The following SELENON variants were observed in gnomAD, a reference collection of about 807,000 sequenced individuals.
SELENON encodes selenoprotein N, 1.
A neutral mutation model predicts 59.5 loss-of-function variants in SELENON; 44 were observed. The observed-to-expected ratio is 0.74, with a 90% CI of 0.58 to 0.95. The LOEUF is 0.95. Among genes scored for constraint, SELENON ranks in the 40% least tolerant of loss-of-function variants. SELENON has a pLI of 0.00. For missense variants in SELENON, 674 were observed against 721.4 expected (o/e 0.93, Z 0.75); for synonymous variants, 320 against 305.6 (o/e 1.05, Z -0.49).
In SELENON at chr1:25,812,472, C is replaced by T. The variant is rs34161541; in HGVS notation, c.1282-215C>T. ...ACACTAACATATATATACACACACA[C>T]ATACACACATATACAAACATACACA... On this transcript the variant is annotated intron_variant, in intron 9 of 12. Coordinates refer to ENST00000361547, the MANE Select transcript of SELENON (RefSeq NM_020451.3). 3.5e-4 allele frequency among the ~76,000 whole-genome samples: 21 copies of T among 60,078 alleles called. No individual in the cohort carries two copies. The South Asian group carries it at 0.011, about 33-fold the overall frequency. 39.4% of individuals were successfully genotyped at this position (60,078 alleles called of 152,430 possible). A position where few individuals can be genotyped will look rare whatever the true frequency, so the allele number is the denominator to read the frequency against.
chr1:25,809,038 CG>C lies in SELENON; in HGVS notation c.762del (p.Leu255SerfsTer?). 1.9e-6 allele frequency: 3 copies of C among 1,613,744 alleles called. No homozygotes were observed. In the African/African-American group the frequency reaches 4.0e-5, roughly 21 times the overall value. ...CCGCCGCCCCCAGGTCATCATCCAC[CG>C]GCTCCTGAGCATGTTCCACCCTCGG... On this transcript the variant is annotated frameshift_variant, in exon 6 of 13. Coordinates refer to ENST00000361547, the MANE Select transcript of SELENON (RefSeq NM_020451.3). LOFTEE classifies it high-confidence loss of function.
rs901018216 is a variant in SELENON at position 25,817,932 on chromosome 1, G to GCT, written c.*2223_*2224dup. 4 of 114,154 alleles carry GCT rather than the reference G, an allele frequency of 3.5e-5. No homozygotes were observed. The highest frequency in any genetic ancestry group is 5.7e-5 in the Non-Finnish European group (3 of 52,750). The allele number at this position is 114,154 out of a possible 1,614,324, so 7.1% of individuals were successfully genotyped here. A position where few individuals can be genotyped will look rare whatever the true frequency, so the allele number is the denominator to read the frequency against. On this transcript the variant is annotated 3_prime_UTR_variant, in exon 13 of 13. Transcript: ENST00000361547. Reference sequence around the variant, plus strand: ...CTTATGGGGAGGGAGGGCGTCTGATGCTCTCTCTCTGCCTCCCCCCCCATC... The same window carrying GCT: ...CTTATGGGGAGGGAGGGCGTCTGATGCTCTCTCTCTCTGCCTCCCCCCCCATC...
At chr1:25,810,045 C>T (rs1557431204) in intron 7 of SELENON, among the ~76,000 whole-genome samples, 4 of 152,124 alleles carry the variant, frequency 2.6e-5, no homozygotes, top group South Asian at 4.1e-4. Context: ...CACCTCTGTG[C>T]CTGGGACCCA....
At chr1:25,813,371 G>C (rs900641364) in intron 10 of SELENON, among the ~76,000 whole-genome samples, 1 of 152,242 alleles carries the variant, frequency 6.6e-6, no homozygotes, top group African/African-American at 2.4e-5. Context: ...AGGGGTCCCT[G>C]CCCTCAAAGG....
intron 10 of SELENON, among the ~76,000 whole-genome samples, chr1:25,813,142 A>G (rs1006368695): frequency 2.0e-5 from 3 of 152,140 alleles, no homozygotes; most frequent in African/African-American, 4.8e-5. Context: ...TGCCGCATAC[A>G]CTGTAAAGTG....
chr1:25,806,130 A>G (rs902265207), intron 4 of SELENON, among the ~76,000 whole-genome samples: 1 of 152,198 alleles, frequency 6.6e-6, no homozygotes, highest in Non-Finnish European at 1.5e-5. Context: ...TTCAGCACGA[A>G]CAGAGGCCTG....
In SELENON at chr1:25,805,021, A is replaced by C. The variant is rs1167138568; in HGVS notation, c.404-121A>C. The C allele has an allele frequency of 9.9e-6, 13 of 1,313,212 alleles. No individual in the cohort carries two copies. The Admixed American group carries it at 2.2e-4, about 22-fold the overall frequency. 81.3% of individuals were successfully genotyped at this position (1,313,212 alleles called of 1,614,324 possible). On this transcript the variant is annotated intron_variant, in intron 3 of 12. Transcript: ENST00000361547. ...ACTGGTTGTTACTTTGGTGACTGTT[A>C]ACACCCCAGCTACCCCCACCCCCTG...
chr1:25,806,501 T>C (rs994945616), intron 4 of SELENON, among the ~76,000 whole-genome samples: 1 of 151,844 alleles, frequency 6.6e-6, no homozygotes, highest in Admixed American at 6.6e-5. Context: ...CGGCTCCTCA[T>C]GGACAGTGGG....
In SELENON at chr1:25,800,214, C is replaced by G. The variant is rs957824845; in HGVS notation, c.-17C>G. On this transcript the variant is annotated 5_prime_UTR_variant, in exon 1 of 13. Transcript: ENST00000361547. ...TTTCGCTTCCCGGGCCGCCGGCAGC[C>G]GCCGCCAGCCGCAGCCATGGGCCGG... is the stretch of plus-strand genomic sequence containing the variant. 7 of 641,302 alleles carry G rather than the reference C, an allele frequency of 1.1e-5. No homozygotes were observed. The highest frequency in any genetic ancestry group is 6.6e-5 in the South Asian group (1 of 15,078). The allele number at this position is 641,302 out of a possible 1,614,324, so 39.7% of individuals were successfully genotyped here. A position where few individuals can be genotyped will look rare whatever the true frequency, so the allele number is the denominator to read the frequency against.
At position 25,801,153 on chromosome 1, in the gene SELENON, G is replaced by A; in HGVS notation, c.294G>A (p.Lys98=). ...AGGAGTTCAAACCCATTGCTGAGAA[G>A]CTAACAGGTACCAGGAGAGACTGGC... is the stretch of plus-strand genomic sequence containing the variant. Residue 98 remains lysine, a synonymous_variant, in exon 2 of 13, where the codon AAG becomes AAA. Transcript: ENST00000361547. 6.2e-7 allele frequency: 1 copy of A among 1,613,282 alleles called. No homozygotes were observed. The highest frequency in any genetic ancestry group is 8.5e-7 in the Non-Finnish European group (1 of 1,179,222).
At chr1:25,815,018 T>C (rs1431292940) in intron 12 of SELENON, among the ~76,000 whole-genome samples, 1 of 150,974 alleles carries the variant, frequency 6.6e-6, no homozygotes, top group Non-Finnish European at 1.5e-5. Flanking sequence ...CTGGGCCTGG[T>C]TGGGAGAACC....
intron 12 of SELENON, 27 bp from the exon 12 acceptor site, chr1:25,815,521 A>G (rs1318783136): frequency 1.9e-6 from 3 of 1,612,926 alleles, no homozygotes; most frequent in South Asian, 1.1e-5. Context: ...CCTCCGCCCC[A>G]CTTGCCTCAC....
At chr1:25,812,928 G>T in intron 10 of SELENON, 136 bp downstream of exon 9, 1 of 671,696 alleles carries the variant, frequency 1.5e-6, no homozygotes, top group Non-Finnish European at 2.6e-6. Context: ...GGGGCGTGGG[G>T]TGAGGGCTTG....
At chr1:25,805,549 AG>A (rs1457191870) in intron 4 of SELENON, among the ~76,000 whole-genome samples, 2 of 151,750 alleles carry the variant, frequency 1.3e-5, no homozygotes, top group East Asian at 3.9e-4. Context: ...AGGGCTCAGC[AG>A]GGTGACTGAG....
intron 4 of SELENON, 150 bp from the exon 4 acceptor site, chr1:25,808,430 G>T: frequency 1.2e-6 from 1 of 831,028 alleles, no homozygotes; most frequent in Non-Finnish European, 2.0e-6. Context: ...TAAGCTTGTG[G>T]CCATCATAAG....
At chr1:25,808,998 G>A in intron 5 of SELENON, 28 bp from the exon 5 acceptor site, 2 of 1,613,268 alleles carry the variant, frequency 1.2e-6, no homozygotes, top group East Asian at 2.2e-5. Context: ...GACCCAGCAA[G>A]CCAGTACGTG....
At chr1:25,813,670 C>T in intron 10 of SELENON, 1 of 636,664 alleles carries the variant, frequency 1.6e-6, no homozygotes. Context: ...CCAGGTAGAA[C>T]CCCTAACCCT....
rs927643066 is a variant in SELENON, at chr1:25,806,908, G to A, written c.537+1633G>A. Among the ~76,000 whole-genome samples, 10 of 145,814 alleles carry A rather than the reference G, an allele frequency of 6.9e-5. No homozygotes were observed. The East Asian group carries it at 1.7e-3, about 25-fold the overall frequency. ...GCGATCTCTGCTCACTGCAAGCTCCGCCTCCCGGGTTCAAGCTATTCTCCT... is the reference window on the plus strand; with the variant it reads ...GCGATCTCTGCTCACTGCAAGCTCCACCTCCCGGGTTCAAGCTATTCTCCT... On this transcript the variant is annotated intron_variant, in intron 4 of 12. Transcript: ENST00000361547.
Position 25,815,812 on chromosome 1 carries a change from C to G in SELENON, c.*94C>G. On this transcript the variant is annotated 3_prime_UTR_variant, in exon 13 of 13. Coordinates refer to ENST00000361547, the MANE Select transcript of SELENON (RefSeq NM_020451.3). ...AGACTGCAGATGCCGCCCACTCCCA[C>G]CCCACTCCTAGGCTGCCTTGGAGGG... is the stretch of plus-strand genomic sequence containing the variant. The G allele has an allele frequency of 7.4e-7, 1 of 1,344,548 alleles. No individual in the cohort carries two copies. 83.3% of individuals were successfully genotyped at this position (1,344,548 alleles called of 1,614,324 possible).
Sources: gnomAD v4.1 joint callset for allele counts (sites outside exome capture counted in the v4.1 genomes callset) on GRCh38, gnomAD v4.1.1 for gene constraint, MANE v1.5 for transcripts, NCBI Gene and HGNC (gene_info 2026-07-23, HGNC 2026-07-21) for gene names.